The following OR1D2 variants were observed in gnomAD, a reference collection of about 807,000 sequenced individuals.
OR1D2 encodes the protein olfactory receptor family 1 subfamily D member 2, also known as olfactory receptor 1D2.
For missense variants in OR1D2, 357 were observed against 376.1 expected, an observed-to-expected ratio of 0.95 and a Z score of 0.42; for synonymous variants, 157 against 153.9, an observed-to-expected ratio of 1.02 and a Z score of -0.15.
At position 3,092,982 on chromosome 17, in the gene OR1D2, G is replaced by A; in HGVS notation, c.15C>T (p.Asn5=). 1.2e-6 allele frequency: 2 copies of A among 1,613,742 alleles called. No homozygotes were observed. Among genetic ancestry groups the A allele is most frequent in the Non-Finnish European group, 1.7e-6 (2 of 1,179,906 alleles). MDGG[N]QSEGSEFLLL... is the part of the protein sequence containing the mutation. ...GAAGGAACTCTGAACCTTCACTCTG[G>A]TTGCCTCCATCCATTTCCCCAACTC... is the stretch of plus-strand genomic sequence containing the variant. Residue 5 remains asparagine, a synonymous_variant, in exon 2 of 2, where the codon AAC becomes AAT. Coordinates refer to ENST00000641833, the MANE Select transcript of OR1D2 (RefSeq NM_002548.3).
chr17:3,090,686 A>G lies in OR1D2; in HGVS notation c.*1372T>C, dbSNP rs1298058534. 6.6e-6 allele frequency: 1 copy of G among 152,330 alleles called. No homozygotes were observed. Among genetic ancestry groups the G allele is most frequent in the African/African-American group, 2.4e-5 (1 of 41,474 alleles). The allele number at this position is 152,330 out of a possible 1,614,324, so 9.4% of individuals were successfully genotyped here. A position where few individuals can be genotyped will look rare whatever the true frequency, so the allele number is the denominator to read the frequency against. On this transcript the variant is annotated 3_prime_UTR_variant, in exon 2 of 2. Coordinates refer to ENST00000641833, the MANE Select transcript of OR1D2 (RefSeq NM_002548.3). ...TGGCCAGTTGGCAGGGTCTATGGGC[A>G]GGCAGGCCTAGTGCTTGGGGATGTG... is the stretch of plus-strand genomic sequence containing the variant.
rs1490273293 is a variant in OR1D2, at chr17:3,088,818, T to C, written c.*3240A>G. The C allele has an allele frequency of 6.6e-6, 1 of 152,156 alleles. No homozygotes were observed. Among genetic ancestry groups the C allele is most frequent in the Non-Finnish European group, 1.5e-5 (1 of 68,024 alleles). 9.4% of individuals were successfully genotyped at this position (152,156 alleles called of 1,614,324 possible). On this transcript the variant is annotated 3_prime_UTR_variant, in exon 2 of 2. Transcript: ENST00000641833. The stretch of plus-strand genomic sequence containing the variant: ...TGCCTTTAGATTTCATTTCTGCCTT[T>C]TAGTTTTTACTTCTTTCTTTGGAGG...
chr17:3,099,005 A>C (rs1216752710), intron 1 of OR1D2, among the ~76,000 whole-genome samples: 1 of 152,136 alleles, frequency 6.6e-6, no homozygotes. Context: ...AAATGAAGAA[A>C]GCCTCCAAGA....
intron 1 of OR1D2, among the ~76,000 whole-genome samples, chr17:3,094,276 T>C (rs2047831826): frequency 6.6e-6 from 1 of 152,194 alleles, no homozygotes; most frequent in Non-Finnish European, 1.5e-5. Context: ...TTTTGTATCT[T>C]ATCAAACACA....
chr17:3,098,733 A>T (rs4060718), intron 1 of OR1D2, among the ~76,000 whole-genome samples: 2 of 152,046 alleles, frequency 1.3e-5, no homozygotes, highest in African/African-American at 2.4e-5. Context: ...AACTCCTCCG[A>T]GCTAAAGGAG....
Position 3,092,553 on chromosome 17 carries a change from A to G in OR1D2, c.444T>C (p.Cys148=), listed in dbSNP as rs1353777548. 5.0e-6 allele frequency: 8 copies of G among 1,614,150 alleles called. No homozygotes were observed. In the East Asian group the frequency reaches 6.7e-5, roughly 13 times the overall value. Residue 148 remains cysteine (C), a synonymous_variant, in exon 2 of 2, where the codon TGT becomes TGC. Coordinates refer to ENST00000641833, the MANE Select transcript of OR1D2 (RefSeq NM_002548.3). ...PKLCILLLSL[C]WVLSVLYGLI... ...GGCCATAGAGGACGGATAGGACCCA[A>G]CACAAGGAAAGGAGTAAGATACAGA...
intron 1 of OR1D2, among the ~76,000 whole-genome samples, chr17:3,097,330 C>T (rs1026835275): frequency 6.6e-6 from 1 of 152,146 alleles, no homozygotes; most frequent in Admixed American, 6.5e-5. Context: ...CAACATAGTA[C>T]TAGAAGTCCT....
intron 1 of OR1D2, among the ~76,000 whole-genome samples, chr17:3,098,014 C>T (rs2047855009): frequency 6.6e-6 from 1 of 152,132 alleles, no homozygotes; most frequent in South Asian, 2.1e-4. Flanking sequence ...GGGACAGTAC[C>T]CTGATCTCCC....
In OR1D2 at chr17:3,089,054, C is replaced by T. The variant is rs112296911; in HGVS notation, c.*3004G>A. ...TGATCTTTCAAGGGTGTTAAAGAACCTTGTTTTGTCATATTACCAGATTTG... is the reference window on the plus strand; with the variant it reads ...TGATCTTTCAAGGGTGTTAAAGAACTTTGTTTTGTCATATTACCAGATTTG... On this transcript the variant is annotated 3_prime_UTR_variant, in exon 2 of 2. Transcript: ENST00000641833. 2.0e-5 allele frequency: 3 copies of T among 152,056 alleles called. No individual in the cohort carries two copies. In the East Asian group the frequency reaches 5.8e-4, roughly 29 times the overall value. The allele number at this position is 152,056 out of a possible 1,614,324, so 9.4% of individuals were successfully genotyped here.
chr17:3,093,581 A>G (rs189121487), intron 1 of OR1D2, among the ~76,000 whole-genome samples: 32 of 152,312 alleles, frequency 2.1e-4, no homozygotes, highest in Admixed American at 1.8e-3. Context: ...CTTCATGCGA[A>G]TCATGAGTTA....
At chr17:3,102,529 C>A (rs1460252204) in intron 1 of OR1D2, among the ~76,000 whole-genome samples, 1 of 152,090 alleles carries the variant, frequency 6.6e-6, no homozygotes, top group East Asian at 1.9e-4. Context: ...TAACAACGAG[C>A]TATTTGTTTC....
chr17:3,098,786 A>G (rs997218089), intron 1 of OR1D2, among the ~76,000 whole-genome samples: 2 of 152,184 alleles, frequency 1.3e-5, no homozygotes, highest in Non-Finnish European at 2.9e-5. Context: ...CCTTGATAAA[A>G]GGTTACAGGA....
In OR1D2 at chr17:3,091,854, G is replaced by A; in HGVS notation, c.*204C>T. ...CTGCAACATTCTAGTGTTGGTGTTA[G>A]TGTGACCTTATTTACGGCCAAGGCT... On this transcript the variant is annotated 3_prime_UTR_variant, in exon 2 of 2. Coordinates refer to ENST00000641833, the MANE Select transcript of OR1D2 (RefSeq NM_002548.3). 2 of 530,036 alleles carry A rather than the reference G, an allele frequency of 3.8e-6. No individual in the cohort carries two copies. The highest frequency in any genetic ancestry group is 5.4e-5 in the South Asian group (2 of 37,354). 32.8% of individuals were successfully genotyped at this position (530,036 alleles called of 1,614,324 possible).
In OR1D2 at chr17:3,098,264, C is replaced by G. The variant is rs12452546; in HGVS notation, c.-50-5218G>C. Among the ~76,000 whole-genome samples the G allele has an allele frequency of 5.8e-3, 884 of 152,268 alleles. 18 individuals are homozygous for G. Among genetic ancestry groups the G allele is most frequent in the Admixed American group, 0.037 (573 of 15,302 alleles). On this transcript the variant is annotated intron_variant, in intron 1 of 1. Transcript: ENST00000641833. ...GTCAGACACCCTATACAGGAGTGAA[C>G]CTACTCGTATCACGTTGGTGCCCCT...
At chr17:3,097,902 G>T (rs1033026930) in intron 1 of OR1D2, among the ~76,000 whole-genome samples, 1 of 152,138 alleles carries the variant, frequency 6.6e-6, no homozygotes, top group Non-Finnish European at 1.5e-5. Flanking sequence ...ACACCCCTAT[G>T]GTCGACTGTG....
intron 1 of OR1D2, 28 bp from the exon 2 acceptor site, chr17:3,093,074 G>C: frequency 7.6e-7 from 1 of 1,308,686 alleles, no homozygotes. Flanking sequence ...ATGAAGATAA[G>C]CAAAATCAAC....
intron 1 of OR1D2, among the ~76,000 whole-genome samples, chr17:3,098,198 C>T (rs115057783): frequency 1.5e-3 from 235 of 152,296 alleles, no homozygotes; most frequent in African/African-American, 5.5e-3. Flanking sequence ...GGATCTTTTT[C>T]CCTGTGCCAC....
chr17:3,103,151 G>A (rs1465108366), intron 1 of OR1D2, among the ~76,000 whole-genome samples: 2 of 152,204 alleles, frequency 1.3e-5, no homozygotes, highest in Admixed American at 1.3e-4. Flanking sequence ...GGAGGGTAGA[G>A]GGCAGGTGAC....
In OR1D2 at chr17:3,104,155, C is replaced by T. The variant is rs1475652905; in HGVS notation, c.-107G>A. 1 of 152,212 alleles carries T rather than the reference C, an allele frequency of 6.6e-6. No homozygotes were observed. Among genetic ancestry groups the T allele is most frequent in the Non-Finnish European group, 1.5e-5 (1 of 68,066 alleles). 9.4% of individuals were successfully genotyped at this position (152,212 alleles called of 1,614,324 possible). The stretch of plus-strand genomic sequence containing the variant: ...TCACTGGTTCAGCTTCCTCCACGTT[C>T]CTGTTCTACAGGATGAAAACACATT... On this transcript the variant is annotated 5_prime_UTR_variant, in exon 1 of 2. Coordinates refer to ENST00000641833, the MANE Select transcript of OR1D2 (RefSeq NM_002548.3).
Sources: allele counts gnomAD v4.1 joint callset (sites outside exome capture counted in the v4.1 genomes callset), GRCh38; gene constraint gnomAD v4.1.1; transcripts MANE v1.5; gene names NCBI Gene and HGNC (gene_info 2026-07-23, HGNC 2026-07-21).